The following DYTN variants were observed in gnomAD, a reference collection of about 807,000 sequenced individuals.
DYTN encodes dystrotelin.
A neutral mutation model predicts 69.6 loss-of-function variants in DYTN; 75 were observed. That is an observed-to-expected ratio of 1.08 (90% confidence interval 0.89 to 1.31). DYTN has a LOEUF of 1.31. DYTN is among the 50% of genes most tolerant of loss of function. The pLI is 0.00. For missense variants in DYTN, 726 were observed against 688.4 expected (o/e 1.05, Z -0.61); for synonymous variants, 252 against 249.1 (o/e 1.01, Z -0.11).
chr2:206,682,725 T>A (rs1296832856), intron 9 of DYTN, among the ~76,000 whole-genome samples: 1 of 152,106 alleles, frequency 6.6e-6, no homozygotes. Context: ...GCTTGGTCAA[T>A]ATCTCCCTGT....
chr2:206,663,843 T>C (rs1033043732), intron 10 of DYTN, among the ~76,000 whole-genome samples: 2 of 152,234 alleles, frequency 1.3e-5, no homozygotes, highest in Admixed American at 1.3e-4. Context: ...AGCACAGTTC[T>C]CATTGTGTGG....
In DYTN at chr2:206,700,008, G is replaced by A. The variant is rs1699960130; in HGVS notation, c.556-118C>T. The A allele has an allele frequency of 7.2e-6, 11 of 1,534,152 alleles. No individual in the cohort carries two copies. In the Admixed American group the frequency reaches 1.5e-4, roughly 21 times the overall value. On this transcript the variant is annotated intron_variant, in intron 6 of 11. Transcript: ENST00000452335. Reference sequence around the variant, plus strand: ...GAAGTTTATCATAGGAAAAGCTGGAGGTGAGACTACCTCCTAAATTCAGTT... The same window carrying A: ...GAAGTTTATCATAGGAAAAGCTGGAAGTGAGACTACCTCCTAAATTCAGTT...
At chr2:206,704,202 A>G (rs1294075566) in intron 5 of DYTN, among the ~76,000 whole-genome samples, 1 of 152,222 alleles carries the variant, frequency 6.6e-6, no homozygotes, top group Non-Finnish European at 1.5e-5. Flanking sequence ...GGGAAGCATC[A>G]TCTACCATAA....
At chr2:206,668,822 T>C (rs949737413) in intron 9 of DYTN, among the ~76,000 whole-genome samples, 2 of 150,950 alleles carry the variant, frequency 1.3e-5, no homozygotes, top group African/African-American at 5.0e-5. Flanking sequence ...GTTTTCCCCA[T>C]GCTGTTCTCA....
intron 7 of DYTN, among the ~76,000 whole-genome samples, chr2:206,699,133 T>C (rs1312092884): frequency 1.3e-5 from 2 of 152,122 alleles, no homozygotes; most frequent in Admixed American, 6.6e-5. Context: ...ATTTAAAAGG[T>C]TTCTTTGGAG....
intron 9 of DYTN, among the ~76,000 whole-genome samples, chr2:206,689,698 C>G (rs543021655): frequency 1.6e-4 from 25 of 152,314 alleles, no homozygotes; most frequent in African/African-American, 5.8e-4. Context: ...CATGGCCACA[C>G]ACGTGGTTAG....
intron 7 of DYTN, 46 bp from the exon 8 acceptor site, chr2:206,694,923 A>AAG (rs55963515): frequency 0.017 from 5,194 of 308,472 alleles, 6 homozygotes; most frequent in East Asian, 0.072. Context: ...AGTAGATGAG[A>AAG]AAAAAAAAAA....
chr2:206,674,117 G>T (rs747685855), intron 9 of DYTN, among the ~76,000 whole-genome samples: 19 of 152,042 alleles, frequency 1.2e-4, no homozygotes, highest in African/African-American at 4.6e-4. Context: ...ATGCAATTGG[G>T]CATATTAAAT....
At chr2:206,707,935 T>A (rs944806048) in intron 2 of DYTN, among the ~76,000 whole-genome samples, 13 of 152,236 alleles carry the variant, frequency 8.5e-5, no homozygotes, top group Non-Finnish European at 2.9e-5. Context: ...TTTTCTTGTC[T>A]GCAGCCCAGC....
intron 9 of DYTN, among the ~76,000 whole-genome samples, chr2:206,678,094 A>T (rs368293533): frequency 6.6e-6 from 1 of 152,218 alleles, no homozygotes; most frequent in Non-Finnish European, 1.5e-5. Context: ...AGATTTCCCT[A>T]GTCAAAATAT....
chr2:206,711,548 C>G (rs1044093606), intron 1 of DYTN, among the ~76,000 whole-genome samples: 1 of 141,818 alleles, frequency 7.1e-6, no homozygotes, highest in East Asian at 2.1e-4. Flanking sequence ...TTTCTCTTAC[C>G]TTTCTTTTTT....
chr2:206,713,424 G>A (rs1259270649), intron 1 of DYTN, among the ~76,000 whole-genome samples: 3 of 152,142 alleles, frequency 2.0e-5, no homozygotes, highest in Non-Finnish European at 2.9e-5. Context: ...TGCTCCCATC[G>A]CTGTGGTAGA....
At chr2:206,673,039 G>A (rs144160304) in intron 9 of DYTN, among the ~76,000 whole-genome samples, 2 of 152,246 alleles carry the variant, frequency 1.3e-5, no homozygotes, top group African/African-American at 4.8e-5. Flanking sequence ...CAGGTATTAA[G>A]CTTAGTTTCC....
intron 1 of DYTN, among the ~76,000 whole-genome samples, chr2:206,714,449 G>A (rs1439568503): frequency 2.0e-5 from 3 of 152,180 alleles, no homozygotes; most frequent in Admixed American, 6.6e-5. Context: ...TGGTCTGCCC[G>A]CCTCGGCCTC....
chr2:206,652,067 A>T, intron 11 of DYTN, 146 bp from the exon 12 acceptor site: 3 of 663,128 alleles, frequency 4.5e-6, no homozygotes, highest in Non-Finnish European at 7.6e-6. Flanking sequence ...GCCAGCAAAT[A>T]AGATGGCTAT....
chr2:206,696,373 G>A (rs1699919999), intron 7 of DYTN, among the ~76,000 whole-genome samples: 1 of 152,186 alleles, frequency 6.6e-6, no homozygotes, highest in South Asian at 2.1e-4. Flanking sequence ...TCGTTTAGAG[G>A]AGGAGCAGGA....
intron 9 of DYTN, among the ~76,000 whole-genome samples, chr2:206,688,242 A>G (rs1699832490): frequency 6.6e-6 from 1 of 152,208 alleles, no homozygotes; most frequent in Admixed American, 6.5e-5. Context: ...TTTTAAATAT[A>G]TATTGTTGAT....
chr2:206,657,747 T>A (rs1699465994), intron 11 of DYTN, among the ~76,000 whole-genome samples: 1 of 152,236 alleles, frequency 6.6e-6, no homozygotes, highest in Non-Finnish European at 1.5e-5. Flanking sequence ...AGGGTTTCTT[T>A]CTACATGATA....
chr2:206,667,378 T>A (rs377157701), intron 9 of DYTN, among the ~76,000 whole-genome samples: 124 of 152,248 alleles, frequency 8.1e-4, no homozygotes, highest in African/African-American at 2.7e-3. Flanking sequence ...ATTGCTCAGT[T>A]CCCTCCCCAA....
Sources: gnomAD v4.1 joint callset for allele counts (sites outside exome capture counted in the v4.1 genomes callset) on GRCh38, gnomAD v4.1.1 for gene constraint, MANE v1.5 for transcripts, NCBI Gene and HGNC (gene_info 2026-07-23, HGNC 2026-07-21) for gene names.